Variants in ASXL1 observed in about 807,000 individuals in gnomAD.
The protein encoded by ASXL1 is ASXL transcriptional regulator 1.
In ASXL1, 65 loss-of-function variants were observed where a neutral mutation model predicts 89.1. The observed-to-expected ratio is 0.73, with a 90% CI of 0.60 to 0.90. ASXL1 has a LOEUF of 0.90. Ranked by LOEUF, ASXL1 falls within the 40% of genes least tolerant of loss-of-function variation. The pLI is 0.00. For synonymous variants in ASXL1, 739 were observed against 746.9 expected (o/e 0.99, Z 0.17); for missense variants, 1,786 against 1,942.9 (o/e 0.92, Z 1.52).
chr20:32,390,246 A>G (rs1273792633), intron 4 of ASXL1, among the ~76,000 whole-genome samples: 1 of 152,212 alleles, frequency 6.6e-6, no homozygotes, highest in Non-Finnish European at 1.5e-5. Flanking sequence ...CTAAAGTGAA[A>G]AACAATAGTT....
intron 4 of ASXL1, among the ~76,000 whole-genome samples, chr20:32,412,593 A>AG (rs1569297687): frequency 7.3e-6 from 1 of 137,006 alleles, no homozygotes; most frequent in African/African-American, 2.6e-5. Context: ...AAAAGAAATA[A>AG]ATTTTTTTTT....
intron 4 of ASXL1, among the ~76,000 whole-genome samples, chr20:32,392,240 G>A (rs1383476620): frequency 1.3e-5 from 2 of 150,360 alleles, no homozygotes; most frequent in Non-Finnish European, 3.0e-5. Flanking sequence ...GCAGTCTCCC[G>A]AGAAGCTGGG....
At chr20:32,364,516 C>A (rs2048174794) in intron 1 of ASXL1, among the ~76,000 whole-genome samples, 1 of 152,160 alleles carries the variant, frequency 6.6e-6, no homozygotes, top group Admixed American at 6.5e-5. Context: ...CTTTACCCAG[C>A]CATATATATT....
At chr20:32,399,745 CTCTTTTTTTTTTTT>C (rs763635349) in intron 4 of ASXL1, among the ~76,000 whole-genome samples, 7,069 of 66,582 alleles carry the variant, frequency 0.11, 404 homozygotes, top group Admixed American at 0.27. Context: ...ACATATTTTA[CTCTTTTTTTTTTTT>C]TTTTTTTTTT....
intron 1 of ASXL1, among the ~76,000 whole-genome samples, chr20:32,361,667 C>G (rs1437825901): frequency 6.6e-6 from 1 of 150,762 alleles, no homozygotes; most frequent in Non-Finnish European, 1.5e-5. Flanking sequence ...AGAAAAAGGA[C>G]TTGTTGAGAA....
At chr20:32,426,041 T>C (rs2011272007) in intron 4 of ASXL1, among the ~76,000 whole-genome samples, 1 of 152,228 alleles carries the variant, frequency 6.6e-6, no homozygotes, top group Non-Finnish European at 1.5e-5. Context: ...AGTTCTTTAT[T>C]GGTTATGTAA....
At chr20:32,367,534 C>T (rs2048226706) in intron 2 of ASXL1, among the ~76,000 whole-genome samples, 193 bp from the exon 3 acceptor site, 1 of 152,350 alleles carries the variant, frequency 6.6e-6, no homozygotes, top group African/African-American at 2.4e-5. Flanking sequence ...AAGGCCTTCA[C>T]TTTCCAGTTG....
chr20:32,408,073 G>C (rs1471416623), intron 4 of ASXL1, among the ~76,000 whole-genome samples: 1 of 152,036 alleles, frequency 6.6e-6, no homozygotes, highest in Non-Finnish European at 1.5e-5. Flanking sequence ...GAGTAGCTGG[G>C]ATTATAAGCA....
intron 4 of ASXL1, among the ~76,000 whole-genome samples, chr20:32,399,006 G>A (rs1325353793): frequency 2.6e-5 from 4 of 151,912 alleles, no homozygotes; most frequent in African/African-American, 9.7e-5. Context: ...GGGAGGCCGA[G>A]TTGGCCCAGC....
At chr20:32,425,814 C>T (rs550336594) in intron 4 of ASXL1, among the ~76,000 whole-genome samples, 4 of 152,248 alleles carry the variant, frequency 2.6e-5, no homozygotes, top group South Asian at 2.1e-4. Flanking sequence ...AAGTGATTCT[C>T]CTGCCTCAGC....
Position 32,434,553 on chromosome 20 carries a change from TCG to T in ASXL1, c.1843_1844del (p.Ala615ArgfsTer3). ...CGGGGTTGGACTGGCGCCAGGACCCTCGCAGACATTAAAGCCCGTGCTCTGCA... is the reference window on the plus strand; with the variant it reads ...CGGGGTTGGACTGGCGCCAGGACCCTCAGACATTAAAGCCCGTGCTCTGCA... On this transcript the variant is annotated frameshift_variant, in exon 13 of 13. Coordinates refer to ENST00000375687, the MANE Select transcript of ASXL1 (RefSeq NM_015338.6). LOFTEE classifies it low-confidence loss of function (END_TRUNC). 6.2e-7 allele frequency: 1 copy of T among 1,613,736 alleles called. No homozygotes were observed. Among genetic ancestry groups the T allele is most frequent in the East Asian group, 2.2e-5 (1 of 44,878 alleles).
intron 4 of ASXL1, among the ~76,000 whole-genome samples, chr20:32,388,786 A>G (rs1401305321): frequency 6.6e-6 from 1 of 151,934 alleles, no homozygotes; most frequent in Non-Finnish European, 1.5e-5. Context: ...TAAGATAGTG[A>G]TTATTCATTC....
intron 1 of ASXL1, 62 bp downstream of exon 1, chr20:32,358,894 C>A (rs967152855): frequency 7.1e-7 from 1 of 1,418,064 alleles, no homozygotes; most frequent in Non-Finnish European, 9.2e-7. Context: ...CGCCGCGCAC[C>A]CCCCCACTGG....
At chr20:32,382,038 C>G (rs1309043694) in intron 4 of ASXL1, among the ~76,000 whole-genome samples, 1 of 150,804 alleles carries the variant, frequency 6.6e-6, no homozygotes, top group African/African-American at 2.4e-5. Flanking sequence ...TAACGGCAAC[C>G]TCCACTTCCC....
chr20:32,371,029 C>T (rs1451493301), intron 4 of ASXL1, among the ~76,000 whole-genome samples: 1 of 147,558 alleles, frequency 6.8e-6, no homozygotes, highest in African/African-American at 2.5e-5. Context: ...CTTAGCTACT[C>T]AGGAGGCTGA....
rs2011611810 is a variant in ASXL1, at chr20:32,433,690, G to A, written c.1492G>A (p.Ala498Thr). ...SRIQAEPDNL[A>T]RASASPDRIP... ...GATCCAGGCTGAGCCAGACAACTTG[G>A]CACGTGCCTCTGCATCTCCAGACAG... The change falls in exon 12 of 13, where the codon GCA (alanine) becomes ACA (threonine). Residue 498 changes from alanine to threonine, a missense_variant. Around this residue, in one of 3 missense-constraint regions of ASXL1, gnomAD observed 1,418 missense variants for 1,427.8 expected, o/e 0.99. Coordinates refer to ENST00000375687, the MANE Select transcript of ASXL1 (RefSeq NM_015338.6). 1.2e-6 allele frequency: 2 copies of A among 1,611,392 alleles called. No homozygotes were observed. Among genetic ancestry groups the A allele is most frequent in the African/African-American group, 1.3e-5 (1 of 74,778 alleles).
intron 4 of ASXL1, among the ~76,000 whole-genome samples, chr20:32,404,563 T>G (rs2048924634): frequency 6.6e-6 from 1 of 152,234 alleles, no homozygotes; most frequent in African/African-American, 2.4e-5. Context: ...TTTTCTCTGT[T>G]AGACCATCAT....
Position 32,437,206 on chromosome 20 carries a change from G to T in ASXL1, c.4494G>T (p.Thr1498=). The change falls in exon 13 of 13, where the codon ACG becomes ACT. Residue 1498 remains threonine (T), a synonymous_variant. Coordinates refer to ENST00000375687, the MANE Select transcript of ASXL1 (RefSeq NM_015338.6). ...TGCAAATGTTCACTGACAGCAGCAC[G>T]GTGGAAAGCATCTCGCTCCAGTGTG... ...LSLQMFTDSS[T]VESISLQCAC... 6.2e-7 allele frequency: 1 copy of T among 1,613,542 alleles called. No individual in the cohort carries two copies. The highest frequency in any genetic ancestry group is 8.5e-7 in the Non-Finnish European group (1 of 1,179,482).
intron 6 of ASXL1, 100 bp downstream of exon 6, chr20:32,428,522 G>C: frequency 1.7e-6 from 2 of 1,156,914 alleles, no homozygotes; most frequent in Non-Finnish European, 2.6e-6. Flanking sequence ...TGTTCAGAGA[G>C]TGAAGAATAG....
Sources: gnomAD v4.1 joint callset for allele counts (sites outside exome capture counted in the v4.1 genomes callset) on GRCh38, gnomAD v4.1.1 for gene constraint, gnomAD v4.1.1 regional missense constraint, MANE v1.5 for transcripts, NCBI Gene and HGNC (gene_info 2026-07-23, HGNC 2026-07-21) for gene names.